UBQLN1: variants seen among roughly 807,000 people sequenced by gnomAD.
UBQLN1 encodes ubiquilin 1, also known as ubiquilin-1.
Under a neutral mutation model 65.4 loss-of-function variants are expected in UBQLN1, and 13 were observed. That is an observed-to-expected ratio of 0.20 (90% CI 0.13 to 0.32). The LOEUF (loss-of-function observed/expected upper bound fraction) is 0.32. UBQLN1 is among the 10% of genes least tolerant of loss of function. The pLI, the probability that UBQLN1 is intolerant of heterozygous loss-of-function variation, is 1.00. For synonymous variants in UBQLN1, 267 were observed against 247.8 expected, an observed-to-expected ratio of 1.08 and a Z score of -0.73; for missense variants, 561 against 724.0, an observed-to-expected ratio of 0.77 and a Z score of 2.58.
chr9:83,700,769 A>G (rs1277378329), intron 1 of UBQLN1, among the ~76,000 whole-genome samples: 7 of 152,220 alleles, frequency 4.6e-5, no homozygotes, highest in Admixed American at 4.6e-4. Context: ...AGGTCAATGT[A>G]GTCAGCCAAG....
chr9:83,707,391 A>G, intron 1 of UBQLN1, 109 bp downstream of exon 1: 1 of 1,224,148 alleles, frequency 8.2e-7, no homozygotes. Flanking sequence ...CGCCCGGGAG[A>G]ATGGCCGAGG....
chr9:83,670,604 A>G (rs1831713548), intron 6 of UBQLN1, among the ~76,000 whole-genome samples: 1 of 152,220 alleles, frequency 6.6e-6, no homozygotes, highest in Admixed American at 6.5e-5. Flanking sequence ...GCTAACAGTG[A>G]GTCAGCTGGT....
At chr9:83,664,993 A>G (rs750856117) in intron 9 of UBQLN1, 37 bp downstream of exon 9, 1 of 1,423,058 alleles carries the variant, frequency 7.0e-7, no homozygotes, top group Non-Finnish European at 9.8e-7. Flanking sequence ...GAAAGTAACC[A>G]TTATACACTT....
intron 6 of UBQLN1, among the ~76,000 whole-genome samples, chr9:83,670,965 T>C (rs1587641121): frequency 6.6e-6 from 1 of 152,162 alleles, no homozygotes. Flanking sequence ...CACCTCTTTT[T>C]TTCTTTTTAA....
At chr9:83,700,123 C>G (rs569063610) in intron 1 of UBQLN1, among the ~76,000 whole-genome samples, 11 of 152,256 alleles carry the variant, frequency 7.2e-5, no homozygotes, top group African/African-American at 2.6e-4. Flanking sequence ...CATTATGAAC[C>G]ATCTTTGAAA....
chr9:83,693,893 T>C (rs1414567172), intron 1 of UBQLN1, among the ~76,000 whole-genome samples: 1 of 152,216 alleles, frequency 6.6e-6, no homozygotes, highest in Non-Finnish European at 1.5e-5. Context: ...TCATCAGGAA[T>C]AGAGATACTT....
At chr9:83,695,481 A>T (rs1284712262) in intron 1 of UBQLN1, among the ~76,000 whole-genome samples, 1 of 152,234 alleles carries the variant, frequency 6.6e-6, no homozygotes, top group African/African-American at 2.4e-5. Flanking sequence ...TAAAGGCGTG[A>T]GGCGCCATGC....
Position 83,675,005 on chromosome 9 carries a change from G to A in UBQLN1, c.1105+2722C>T, listed in dbSNP as rs548579272. ...AAGGTATTTAAAGACTATAGTTATT[G>A]ACTGTCTTATTCATCAGTAGGTACT... On this transcript the variant is annotated intron_variant, in intron 6 of 10. Transcript: ENST00000376395. 2.6e-5 allele frequency among the ~76,000 whole-genome samples: 4 copies of A among 152,166 alleles called. No individual in the cohort carries two copies. The South Asian group carries it at 8.3e-4, about 31-fold the overall frequency.
At chr9:83,697,733 C>CCTT (rs1491554521) in intron 1 of UBQLN1, among the ~76,000 whole-genome samples, 3 of 98,352 alleles carry the variant, frequency 3.1e-5, no homozygotes, top group Non-Finnish European at 1.9e-5. Context: ...TTTTTGTACC[C>CCTT]TTTTTTTTTT....
At chr9:83,695,987 T>G (rs1415833552) in intron 1 of UBQLN1, among the ~76,000 whole-genome samples, 1 of 152,148 alleles carries the variant, frequency 6.6e-6, no homozygotes, top group East Asian at 1.9e-4. Context: ...GTTGCCAGGA[T>G]AGAGTGCAGT....
chr9:83,672,995 G>A (rs1025148296), intron 6 of UBQLN1, among the ~76,000 whole-genome samples: 1 of 152,204 alleles, frequency 6.6e-6, no homozygotes, highest in Admixed American at 6.5e-5. Context: ...ACTTTGGGAC[G>A]CTGAGGCGGG....
At chr9:83,662,585 G>A (rs1831578463) in intron 10 of UBQLN1, among the ~76,000 whole-genome samples, 1 of 151,872 alleles carries the variant, frequency 6.6e-6, no homozygotes, top group South Asian at 2.1e-4. Flanking sequence ...ATCAATCCTA[G>A]GCCTACCTGA....
intron 3 of UBQLN1, among the ~76,000 whole-genome samples, chr9:83,680,895 A>G (rs937848656): frequency 6.6e-6 from 1 of 152,192 alleles, no homozygotes; most frequent in Non-Finnish European, 1.5e-5. Flanking sequence ...TGAGTCTGCT[A>G]ACTTGTGAGA....
At position 83,669,315 on chromosome 9, in the gene UBQLN1, T is replaced by C. The variant is rs199677672; in HGVS notation, c.1118A>G (p.Asn373Ser). The C allele has an allele frequency of 1.3e-6, 2 of 1,590,942 alleles. No individual in the cohort carries two copies. Among genetic ancestry groups the C allele is most frequent in the East Asian group, 4.5e-5 (2 of 44,576 alleles). ...CAACAAGCTCTGCATTCCTGGTGTG[T>C]TGAACATACTAGCTGAAAGTTTGTT... ...LVPGVGASMF[N>S]TPGMQSLLQQ... The change falls in exon 7 of 11, where the codon AAC (asparagine) becomes AGC (serine). Residue 373 changes from asparagine to serine, a missense_variant. Around this residue, in one of 8 missense-constraint regions of UBQLN1, gnomAD observed 102 missense variants for 150.7 expected, o/e 0.68. Coordinates refer to ENST00000376395, the MANE Select transcript of UBQLN1 (RefSeq NM_013438.5).
intron 1 of UBQLN1, among the ~76,000 whole-genome samples, chr9:83,693,983 T>C (rs1832168896): frequency 6.6e-6 from 1 of 152,226 alleles, no homozygotes; most frequent in Non-Finnish European, 1.5e-5. Flanking sequence ...CATTCAAATA[T>C]TGCTAATCTA....
At chr9:83,697,013 T>C (rs949191995) in intron 1 of UBQLN1, among the ~76,000 whole-genome samples, 1 of 151,938 alleles carries the variant, frequency 6.6e-6, no homozygotes, top group Non-Finnish European at 1.5e-5. Context: ...TGGGCTCAAG[T>C]AATTCTCCCA....
intron 1 of UBQLN1, among the ~76,000 whole-genome samples, chr9:83,698,149 T>C (rs897438657): frequency 3.9e-5 from 6 of 152,188 alleles, no homozygotes; most frequent in Admixed American, 1.3e-4. Context: ...GCAATAAATA[T>C]TGGCCATTAT....
At chr9:83,685,282 C>T (rs1832021233) in intron 2 of UBQLN1, among the ~76,000 whole-genome samples, 1 of 152,128 alleles carries the variant, frequency 6.6e-6, no homozygotes, top group Non-Finnish European at 1.5e-5. Context: ...AGCAATGCTA[C>T]ACCACCAACA....
chr9:83,664,138 TC>T, intron 9 of UBQLN1, 95 bp from the exon 10 acceptor site: 1 of 1,397,768 alleles, frequency 7.2e-7, no homozygotes, highest in Non-Finnish European at 9.7e-7. Context: ...TAAGCCATCT[TC>T]TTAAAATAAG....
Sources: gnomAD v4.1 joint callset for allele counts (sites outside exome capture counted in the v4.1 genomes callset) on GRCh38, gnomAD v4.1.1 for gene constraint, gnomAD v4.1.1 regional missense constraint, MANE v1.5 for transcripts, NCBI Gene and HGNC (gene_info 2026-07-23, HGNC 2026-07-21) for gene names.